The following NUGGC variants were observed in gnomAD, a reference collection of about 807,000 sequenced individuals.
NUGGC encodes nuclear GTPase, germinal center associated.
A neutral mutation model predicts 92.6 loss-of-function variants in NUGGC; 58 were observed. The ratio of observed to expected loss-of-function variants is 0.63; its 90% CI spans 0.51 to 0.78. The LOEUF is 0.78. Ranked by LOEUF, NUGGC falls within the 30% of genes least tolerant of loss-of-function variation. The pLI, the probability that NUGGC is intolerant of heterozygous loss-of-function variation, is 0.00. For missense variants in NUGGC, 925 were observed against 964.6 expected (o/e 0.96, Z 0.54); for synonymous variants, 376 against 366.4 (o/e 1.03, Z -0.30).
At chr8:28,081,545 T>C (rs1810850396) in intron 1 of NUGGC, among the ~76,000 whole-genome samples, 1 of 152,134 alleles carries the variant, frequency 6.6e-6, no homozygotes, top group South Asian at 2.1e-4. Flanking sequence ...TTGTCCCTAT[T>C]GATCAAACAC....
chr8:28,059,887 G>A (rs557187800), intron 8 of NUGGC, among the ~76,000 whole-genome samples: 6 of 152,228 alleles, frequency 3.9e-5, no homozygotes, highest in South Asian at 2.1e-4. Flanking sequence ...TGGGTGGACC[G>A]GCCGGCGCCT....
Position 28,060,501 on chromosome 8 carries a change from C to T in NUGGC, c.1022G>A (p.Cys341Tyr). 8.1e-6 allele frequency: 13 copies of T among 1,613,946 alleles called. No individual in the cohort carries two copies. Among genetic ancestry groups the T allele is most frequent in the Non-Finnish European group, 1.1e-5 (13 of 1,179,876 alleles). ...EDLLNESIKA[C>Y]QRGFCRDVAL... ...CACGTCCCTACAGAAGCCCCGCTGG[C>T]AGGCTTTGATGCTCTCATTCAGAAG... The change falls in exon 8 of 19, where the codon TGC becomes TAC. Residue 341 changes from cysteine (C) to tyrosine (Y), a missense_variant. Transcript: ENST00000413272.
chr8:28,066,500 A>G (rs942905247), intron 6 of NUGGC, among the ~76,000 whole-genome samples: 15 of 152,202 alleles, frequency 9.9e-5, no homozygotes, highest in African/African-American at 3.4e-4. Context: ...TGCTTTGTTA[A>G]TCAGGAGATC....
In NUGGC at chr8:28,068,282, G is replaced by A. The variant is rs1260271354; in HGVS notation, c.414C>T (p.Cys138=). The change falls in exon 5 of 19, where the codon TGC becomes TGT. Residue 138 remains cysteine, a synonymous_variant. Transcript: ENST00000413272. The stretch of plus-strand genomic sequence containing the variant: ...AGCAGCCAGAGCTCACTTGTACAAT[G>A]CAGGAAGTACATATGCTTTCTCCAG... The part of the protein sequence containing the change: ...PVSGESICTS[C]IVQVSSGCCV... The A allele has an allele frequency of 2.6e-6, 4 of 1,551,080 alleles. No individual in the cohort carries two copies. Among genetic ancestry groups the A allele is most frequent in the Non-Finnish European group, 3.5e-6 (4 of 1,147,242 alleles).
At chr8:28,053,431 A>C (rs1196635218) in intron 10 of NUGGC, among the ~76,000 whole-genome samples, 2 of 152,148 alleles carry the variant, frequency 1.3e-5, no homozygotes, top group Non-Finnish European at 2.9e-5. Flanking sequence ...CGTTGCAGTG[A>C]GTTATCATTG....
chr8:28,031,262 T>C lies in NUGGC; in HGVS notation c.1889A>G (p.Lys630Arg). Residue 630 changes from lysine to arginine, a missense_variant, in exon 15 of 19, where the codon AAA (lysine) becomes AGA (arginine). By Grantham distance (26) the Lys-to-Arg change is conservative (BLOSUM62 2). Transcript: ENST00000413272. ...ACGTACCTCCTGGATCAGGAAATTT[T>C]TTTTGCAGCTATCATATTTCCAGCC... ...RSGWKYDSCK[K>R]NFLIQEISAI... The C allele has an allele frequency of 1.2e-6, 2 of 1,614,076 alleles. No individual in the cohort carries two copies. Among genetic ancestry groups the C allele is most frequent in the Non-Finnish European group, 1.7e-6 (2 of 1,179,900 alleles).
intron 10 of NUGGC, among the ~76,000 whole-genome samples, chr8:28,050,215 G>A (rs575104319): frequency 3.3e-5 from 5 of 151,632 alleles, no homozygotes; most frequent in South Asian, 2.1e-4. Context: ...GAGAAACCCC[G>A]TCTCTACTAA....
intron 10 of NUGGC, among the ~76,000 whole-genome samples, chr8:28,049,756 T>C (rs147453542): frequency 1.3e-5 from 2 of 152,242 alleles, no homozygotes; most frequent in African/African-American, 2.4e-5. Context: ...TGTAAAAAGA[T>C]GTTGTATGTG....
intron 6 of NUGGC, among the ~76,000 whole-genome samples, chr8:28,065,152 C>CTTTTTT (rs5890398): frequency 2.5e-5 from 2 of 79,884 alleles, no homozygotes; most frequent in Non-Finnish European, 4.8e-5. Context: ...GAAATTGGAT[C>CTTTTTT]TTTTTTTTTT....
chr8:28,047,549 G>T lies in NUGGC; in HGVS notation c.1270C>A (p.Gln424Lys). The T allele has an allele frequency of 6.4e-7, 1 of 1,569,814 alleles. No individual in the cohort carries two copies. The highest frequency in any genetic ancestry group is 2.3e-5 in the East Asian group (1 of 42,696). ...AGGAGAGCCTGCTGCCAGTACTCCT[G>T]GGCGCTGACTGTATACACCAGATCT... Reference protein sequence around the residue: ...ASDLVYTVSAQEYWQQALLTE... With the variant: ...ASDLVYTVSAKEYWQQALLTE... Residue 424 changes from glutamine (Q) to lysine (K), a missense_variant, in exon 11 of 19, where the codon CAG becomes AAG. Transcript: ENST00000413272.
At position 28,053,714 on chromosome 8, in the gene NUGGC, G is replaced by A. The variant is rs956313815; in HGVS notation, c.1206+2251C>T. On this transcript the variant is annotated intron_variant, in intron 10 of 18. Transcript: ENST00000413272. ...TACAAACCAATTCGGCATGTTTACT[G>A]GCATAGTTGTAAATTGTGTATTGAA... Among the ~76,000 whole-genome samples the A allele has an allele frequency of 3.9e-5, 6 of 152,262 alleles. No individual in the cohort carries two copies. In the East Asian group the frequency reaches 1.2e-3, roughly 29 times the overall value.
rs375164070 is a variant in NUGGC at position 28,080,947 on chromosome 8, G to C, written c.-47+2828C>G. The stretch of plus-strand genomic sequence containing the variant: ...TGCTCCCAATCTTCAATGCAACACA[G>C]AGCAAATCACCTGATCTCTCTGAGC... On this transcript the variant is annotated intron_variant, in intron 1 of 18. Coordinates refer to ENST00000413272, the MANE Select transcript of NUGGC (RefSeq NM_001010906.2). 5.9e-5 allele frequency among the ~76,000 whole-genome samples: 9 copies of C among 152,210 alleles called. No homozygotes were observed. The East Asian group carries it at 9.6e-4, about 16-fold the overall frequency.
Position 28,069,535 on chromosome 8 carries a change from C to T in NUGGC, c.257+9G>A, listed in dbSNP as rs1810532339. 1.4e-6 allele frequency: 2 copies of T among 1,417,348 alleles called. No homozygotes were observed. Among genetic ancestry groups the T allele is most frequent in the African/African-American group, 2.8e-5 (2 of 70,734 alleles). The allele number at this position is 1,417,348 out of a possible 1,614,324, so 87.8% of individuals were successfully genotyped here. A position where few individuals can be genotyped will look rare whatever the true frequency, so the allele number is the denominator to read the frequency against. On this transcript the variant is annotated intron_variant, in intron 4 of 18. Transcript: ENST00000413272. ...CATAAAATTTCAGGGTTGCAGATTTCAGACTCACATGAGATACTTGACTCC... is the reference window on the plus strand; with the variant it reads ...CATAAAATTTCAGGGTTGCAGATTTTAGACTCACATGAGATACTTGACTCC...
At position 28,076,334 on chromosome 8, in the gene NUGGC, T is replaced by G. The variant is rs565027582; in HGVS notation, c.-46-1878A>C. On this transcript the variant is annotated intron_variant, in intron 1 of 18. Transcript: ENST00000413272. The stretch of plus-strand genomic sequence containing the variant: ...GTTTGCTTGTGACAGAGTCTTGCTC[T>G]GTTGCCCAGGCTGGAATGCAGCGGC... Among the ~76,000 whole-genome samples the G allele has an allele frequency of 2.0e-5, 3 of 152,382 alleles. No homozygotes were observed. In the East Asian group the frequency reaches 5.8e-4, roughly 29 times the overall value.
rs1809130512 is a variant in NUGGC, at chr8:28,022,093, T to C, written c.*1224A>G. On this transcript the variant is annotated 3_prime_UTR_variant, in exon 19 of 19. Coordinates refer to ENST00000413272, the MANE Select transcript of NUGGC (RefSeq NM_001010906.2). ...GTTTTATATCGTGCAATGTTTTTTC[T>C]ATAATGTTTAAGTTTTTTTATGTAT... 6.6e-6 allele frequency: 1 copy of C among 151,448 alleles called. No homozygotes were observed. The highest frequency in any genetic ancestry group is 1.5e-5 in the Non-Finnish European group (1 of 67,954). 9.4% of individuals were successfully genotyped at this position (151,448 alleles called of 1,614,324 possible).
Position 28,070,441 on chromosome 8 carries a change from G to C in NUGGC, c.44-85C>G, listed in dbSNP as rs182802838. The C allele has an allele frequency of 5.3e-4, 368 of 700,094 alleles. 1 individual carries two copies. In the African/African-American group the frequency reaches 6.1e-3, roughly 12 times the overall value. 43.4% of individuals were successfully genotyped at this position (700,094 alleles called of 1,614,324 possible). On this transcript the variant is annotated intron_variant, in intron 2 of 18. Transcript: ENST00000413272. ...ACCTCTATCAGCATAGAAACTCAAA[G>C]GGTCTAACAGACTGGCTGGGTGCAG...
At chr8:28,066,903 C>T (rs1369489622) in intron 6 of NUGGC, among the ~76,000 whole-genome samples, 1 of 152,140 alleles carries the variant, frequency 6.6e-6, no homozygotes, top group Admixed American at 6.5e-5. Flanking sequence ...TCCCTTTCAG[C>T]CAGGAAGGGC....
intron 8 of NUGGC, among the ~76,000 whole-genome samples, 155 bp from the exon 9 acceptor site, chr8:28,058,431 C>G (rs1236929121): frequency 2.0e-5 from 3 of 152,174 alleles, no homozygotes; most frequent in Non-Finnish European, 1.5e-5. Context: ...TGACCCATCT[C>G]CAGCATCCAC....
At chr8:28,046,670 T>C (rs1443076999) in intron 11 of NUGGC, among the ~76,000 whole-genome samples, 2 of 145,256 alleles carry the variant, frequency 1.4e-5, no homozygotes, top group Non-Finnish European at 3.0e-5. Flanking sequence ...ACTAAGGAAA[T>C]GATAACCCAA....
Sources: allele counts gnomAD v4.1 joint callset (sites outside exome capture counted in the v4.1 genomes callset), GRCh38; gene constraint gnomAD v4.1.1; transcripts MANE v1.5; gene names NCBI Gene and HGNC (gene_info 2026-07-23, HGNC 2026-07-21).